Variants in FSTL4 observed in about 807,000 individuals in gnomAD.
FSTL4 encodes the protein follistatin like 4.
Under a neutral mutation model 78.2 loss-of-function variants are expected in FSTL4, and 28 were observed. The ratio of observed to expected loss-of-function variants is 0.36; its 90% confidence interval spans 0.27 to 0.49. FSTL4 has a LOEUF of 0.49. Ranked by LOEUF, FSTL4 falls within the 20% of genes least tolerant of loss-of-function variation. The pLI is 0.98. For missense variants in FSTL4, 922 were observed against 1,084.9 expected, an observed-to-expected ratio of 0.85 and a Z score of 2.11; for synonymous variants, 422 against 440.5, an observed-to-expected ratio of 0.96 and a Z score of 0.53.
chr5:133,798,334 G>A, the FSTL4 span, among the ~76,000 whole-genome samples: 1 of 152,140 alleles, frequency 6.6e-6, no homozygotes, highest in South Asian at 2.1e-4. Context: ...CTTCCCAGAG[G>A]AGCAAACTCA....
chr5:133,395,648 A>G (rs1054552871), intron 4 of FSTL4, among the ~76,000 whole-genome samples: 5 of 151,852 alleles, frequency 3.3e-5, no homozygotes, highest in Admixed American at 1.3e-4. Flanking sequence ...TTTATCCCCA[A>G]CTATGCTCTC....
At chr5:133,423,030 G>A (rs570097676) in intron 3 of FSTL4, among the ~76,000 whole-genome samples, 5 of 152,364 alleles carry the variant, frequency 3.3e-5, no homozygotes, top group Admixed American at 2.0e-4. Context: ...GGTCAGTGCT[G>A]TGCAGGCTCT....
At chr5:133,825,059 TC>T in the FSTL4 span, among the ~76,000 whole-genome samples, 1 of 152,148 alleles carries the variant, frequency 6.6e-6, no homozygotes, top group Non-Finnish European at 1.5e-5. Context: ...ATGAAGAGGC[TC>T]AGTGGCCTGG....
rs57176651 is a variant in FSTL4 at position 133,360,473 on chromosome 5, A to ATT, written c.409+40263_409+40264dup. ...TCTTAGAGTTTGTTTTCAGGCAATA[A>ATT]TTTTTTTTTTTTTTTTTTTTTTGCA... On this transcript the variant is annotated intron_variant, in intron 4 of 15. Transcript: ENST00000265342. Among the ~76,000 whole-genome samples the ATT allele has an allele frequency of 1.0e-3, 131 of 130,982 alleles. 1 individual carries two copies. Among genetic ancestry groups the ATT allele is most frequent in the South Asian group, 3.5e-3 (14 of 3,960 alleles). The allele number at this position is 130,982 out of a possible 152,430, so 85.9% of individuals were successfully genotyped here.
At chr5:133,343,541 A>G (rs543412036) in intron 4 of FSTL4, among the ~76,000 whole-genome samples, 31 of 152,348 alleles carry the variant, frequency 2.0e-4, no homozygotes, top group African/African-American at 7.5e-4. Flanking sequence ...AAAACCACAC[A>G]TATCAGAAAT....
intron 3 of FSTL4, among the ~76,000 whole-genome samples, chr5:133,408,156 C>T (rs1291826745): frequency 6.6e-6 from 1 of 152,154 alleles, no homozygotes; most frequent in Non-Finnish European, 1.5e-5. Flanking sequence ...TGAACAAAGA[C>T]GTAACCCTCT....
At chr5:133,276,831 G>A (rs1269654052) in intron 6 of FSTL4, among the ~76,000 whole-genome samples, 2 of 152,100 alleles carry the variant, frequency 1.3e-5, no homozygotes, top group Admixed American at 6.6e-5. Context: ...CAACCCAGGT[G>A]GCATATTCTT....
chr5:133,283,490 C>A (rs533295396), intron 6 of FSTL4, among the ~76,000 whole-genome samples: 1 of 152,354 alleles, frequency 6.6e-6, no homozygotes, highest in South Asian at 2.1e-4. Context: ...CTGCTTTCCA[C>A]TTCTCTCTCT....
chr5:133,213,204 T>C lies in FSTL4; in HGVS notation c.1609-2906A>G, dbSNP rs1454916939. 5.9e-5 allele frequency among the ~76,000 whole-genome samples: 9 copies of C among 152,276 alleles called. No homozygotes were observed. In the Middle Eastern group the frequency reaches 0.01, roughly 173 times the overall value. On this transcript the variant is annotated intron_variant, in intron 13 of 15. Coordinates refer to ENST00000265342, the MANE Select transcript of FSTL4 (RefSeq NM_015082.2). ...TTTTAGTACAGACAGGGCTTCACCA[T>C]GTTGGTCAGACTGGTCTCGAACTCC...
At chr5:133,239,016 T>C (rs1416664570) in intron 7 of FSTL4, among the ~76,000 whole-genome samples, 1 of 152,130 alleles carries the variant, frequency 6.6e-6, no homozygotes, top group African/African-American at 2.4e-5. Context: ...ACCGGGGCTG[T>C]GCGAGGGGCT....
At chr5:133,307,786 T>TC (rs1216826351) in intron 6 of FSTL4, among the ~76,000 whole-genome samples, 1 of 149,990 alleles carries the variant, frequency 6.7e-6, no homozygotes, top group Non-Finnish European at 1.5e-5. Flanking sequence ...CAATTTTCTT[T>TC]TTTTTTTTTT....
At chr5:133,709,603 T>C in the FSTL4 span, among the ~76,000 whole-genome samples, 1 of 152,272 alleles carries the variant, frequency 6.6e-6, no homozygotes, top group Non-Finnish European at 1.5e-5. Context: ...CTACAACTCC[T>C]AAGTCCACCT....
At chr5:133,340,128 C>T (rs2126917420) in intron 4 of FSTL4, among the ~76,000 whole-genome samples, 1 of 152,266 alleles carries the variant, frequency 6.6e-6, no homozygotes, top group Admixed American at 6.5e-5. Context: ...TTGCTGGAAG[C>T]CCAGGGCTTC....
the FSTL4 span, among the ~76,000 whole-genome samples, chr5:133,724,319 CCTAA>C: frequency 6.6e-6 from 1 of 152,266 alleles, no homozygotes; most frequent in Non-Finnish European, 1.5e-5. Context: ...CCAAGATGAT[CCTAA>C]CTGAGGAGAT....
chr5:133,699,846 A>G, the FSTL4 span, among the ~76,000 whole-genome samples: 1 of 135,538 alleles, frequency 7.4e-6, no homozygotes, highest in Non-Finnish European at 1.5e-5. Context: ...GCGCCACTGT[A>G]GTCAGGCCTG....
At chr5:133,221,589 G>A (rs1006608525) in intron 11 of FSTL4, among the ~76,000 whole-genome samples, 1 of 152,126 alleles carries the variant, frequency 6.6e-6, no homozygotes, top group African/African-American at 2.4e-5. Flanking sequence ...AAGACAAACT[G>A]AGGTCCAAGG....
chr5:133,532,820 C>G (rs548699443), intron 3 of FSTL4, among the ~76,000 whole-genome samples: 1 of 152,294 alleles, frequency 6.6e-6, no homozygotes, highest in South Asian at 2.1e-4. Flanking sequence ...CAGCCAGAGT[C>G]CTAGAGTACC....
chr5:133,233,886 G>A (rs2126804142), intron 7 of FSTL4, among the ~76,000 whole-genome samples: 1 of 152,228 alleles, frequency 6.6e-6, no homozygotes, highest in South Asian at 2.1e-4. Flanking sequence ...ATTCTCAGGG[G>A]TGTTGCTCAC....
chr5:133,752,624 A>AAAATT, the FSTL4 span, among the ~76,000 whole-genome samples: 63 of 147,828 alleles, frequency 4.3e-4, no homozygotes, highest in Middle Eastern at 3.4e-3. Context: ...AAAATAAAAT[A>AAAATT]AAATTAAATT....
Sources: gnomAD v4.1 joint callset for allele counts (sites outside exome capture counted in the v4.1 genomes callset) on GRCh38, gnomAD v4.1.1 for gene constraint, MANE v1.5 for transcripts, NCBI Gene and HGNC (gene_info 2026-07-23, HGNC 2026-07-21) for gene names.